The following SLC25A21 variants were observed in gnomAD, a reference collection of about 807,000 sequenced individuals.
SLC25A21 encodes mitochondrial 2-oxodicarboxylate carrier.
SLC25A21 carries 47 observed loss-of-function variants against 43.8 expected under a neutral mutation model. That is an observed-to-expected ratio of 1.07 (90% confidence interval 0.85 to 1.37). The LOEUF (loss-of-function observed/expected upper bound fraction) is 1.37, where lower values mean the gene tolerates loss of function less well. SLC25A21 is among the 40% of genes most tolerant of loss of function. The pLI is 0.00. For synonymous variants in SLC25A21, 131 were observed against 121.3 expected, an observed-to-expected ratio of 1.08 and a Z score of -0.52; for missense variants, 352 against 350.2, an observed-to-expected ratio of 1.00 and a Z score of -0.04.
intron 2 of SLC25A21, among the ~76,000 whole-genome samples, chr14:36,848,580 G>C (rs1889621882): frequency 6.6e-6 from 1 of 152,148 alleles, no homozygotes; most frequent in South Asian, 2.1e-4. Context: ...GCCCAGAGCA[G>C]GGTCTCATCT....
At chr14:37,038,340 T>C (rs990805139) in intron 1 of SLC25A21, among the ~76,000 whole-genome samples, 1 of 152,130 alleles carries the variant, frequency 6.6e-6, no homozygotes. Context: ...AATTATAACT[T>C]TTGAAAAATT....
chr14:36,816,672 A>T (rs550448972), intron 2 of SLC25A21, among the ~76,000 whole-genome samples: 1 of 151,876 alleles, frequency 6.6e-6, no homozygotes, highest in Non-Finnish European at 1.5e-5. Context: ...GCTAATTTTT[A>T]AAATTTTTTT....
intron 2 of SLC25A21, among the ~76,000 whole-genome samples, chr14:36,864,684 C>CA (rs1347288414): frequency 2.6e-5 from 4 of 152,172 alleles, no homozygotes; most frequent in African/African-American, 9.7e-5. Context: ...AGCTACATGA[C>CA]AAAATCCCAA....
At position 36,706,426 on chromosome 14, in the gene SLC25A21, A is replaced by C. The variant is rs546940550; in HGVS notation, c.603+4892T>G. ...TTCCACCAGTAAGGGACAAGACTTC[A>C]CTTCTCATTGAGGTAGACCGATGAC... On this transcript the variant is annotated intron_variant, in intron 7 of 9. Transcript: ENST00000331299. Among the ~76,000 whole-genome samples, 3 of 152,292 alleles carry C rather than the reference A, an allele frequency of 2.0e-5. No individual in the cohort carries two copies. In the East Asian group the frequency reaches 5.8e-4, roughly 29 times the overall value.
At chr14:37,015,568 G>C (rs1960835495) in intron 1 of SLC25A21, among the ~76,000 whole-genome samples, 1 of 151,608 alleles carries the variant, frequency 6.6e-6, no homozygotes, top group Non-Finnish European at 1.5e-5. Flanking sequence ...GTAATGGGAT[G>C]GCTGGGTCAA....
At chr14:37,063,086 G>T (rs927382043) in intron 1 of SLC25A21, among the ~76,000 whole-genome samples, 1 of 152,082 alleles carries the variant, frequency 6.6e-6, no homozygotes, top group African/African-American at 2.4e-5. Context: ...TAAAACCATC[G>T]TATCTCATGA....
chr14:36,974,034 A>G (rs1053197345), intron 1 of SLC25A21, among the ~76,000 whole-genome samples: 3 of 152,230 alleles, frequency 2.0e-5, no homozygotes, highest in African/African-American at 7.2e-5. Flanking sequence ...GGGAAAAAAA[A>G]GAGCAACATT....
chr14:36,848,966 C>T (rs190759816), intron 2 of SLC25A21, among the ~76,000 whole-genome samples: 77 of 152,200 alleles, frequency 5.1e-4, no homozygotes, highest in African/African-American at 1.6e-3. Flanking sequence ...TTAGTGCAGG[C>T]CCAGATGATT....
At chr14:37,060,083 T>C (rs911791553) in intron 1 of SLC25A21, among the ~76,000 whole-genome samples, 1 of 149,302 alleles carries the variant, frequency 6.7e-6, no homozygotes, top group Admixed American at 6.7e-5. Flanking sequence ...CTAGCCCCTT[T>C]AAAAAAAAAA....
intron 1 of SLC25A21, among the ~76,000 whole-genome samples, chr14:36,913,295 A>AT (rs1891740968): frequency 6.6e-6 from 1 of 152,082 alleles, no homozygotes; most frequent in Admixed American, 6.6e-5. Context: ...GTGAACTGAG[A>AT]TTTTTTGTTT....
chr14:36,800,310 G>T (rs774522931), intron 3 of SLC25A21, among the ~76,000 whole-genome samples: 2 of 152,116 alleles, frequency 1.3e-5, no homozygotes, highest in African/African-American at 2.4e-5. Context: ...CCAAAAGGTG[G>T]AGGCAGCCCA....
At chr14:37,006,555 C>T (rs1960608306) in intron 1 of SLC25A21, among the ~76,000 whole-genome samples, 1 of 151,968 alleles carries the variant, frequency 6.6e-6, no homozygotes. Flanking sequence ...CAATCCTTTG[C>T]TCTACTAGCT....
chr14:36,999,204 G>C (rs910363136), intron 1 of SLC25A21, among the ~76,000 whole-genome samples: 3 of 152,010 alleles, frequency 2.0e-5, no homozygotes, highest in African/African-American at 7.2e-5. Context: ...AGTGTAAAAA[G>C]AAATGAGCTA....
chr14:37,172,046 C>T (rs1024761870), intron 1 of SLC25A21: 6 of 548,242 alleles, frequency 1.1e-5, no homozygotes, highest in Non-Finnish European at 1.3e-5. Flanking sequence ...GCCGGGAACC[C>T]GAGAGCGGCC....
At chr14:36,767,399 G>A (rs959225665) in intron 3 of SLC25A21, among the ~76,000 whole-genome samples, 2 of 152,200 alleles carry the variant, frequency 1.3e-5, no homozygotes, top group African/African-American at 4.8e-5. Context: ...GGCTGCATGT[G>A]CACCATGTAA....
intron 1 of SLC25A21, among the ~76,000 whole-genome samples, chr14:36,919,270 T>C (rs1891912573): frequency 2.6e-5 from 4 of 152,088 alleles, no homozygotes; most frequent in Admixed American, 1.3e-4. Context: ...TATGAAATCG[T>C]ATATTAGGTT....
intron 1 of SLC25A21, among the ~76,000 whole-genome samples, chr14:36,969,856 G>A (rs1329318903): frequency 6.6e-6 from 1 of 151,946 alleles, no homozygotes; most frequent in African/African-American, 2.4e-5. Context: ...ATGCAAGCAG[G>A]AGGGTTCTGG....
At chr14:36,723,539 C>T (rs1279662293) in intron 6 of SLC25A21, among the ~76,000 whole-genome samples, 1 of 152,182 alleles carries the variant, frequency 6.6e-6, no homozygotes, top group Non-Finnish European at 1.5e-5. Context: ...CCCCTGGCCC[C>T]TGCTTTAAAA....
chr14:36,919,285 C>T (rs2138621890), intron 1 of SLC25A21, among the ~76,000 whole-genome samples: 1 of 152,024 alleles, frequency 6.6e-6, no homozygotes, highest in Admixed American at 6.6e-5. Context: ...TAGGTTATGT[C>T]TTTATTAGAT....
Sources: allele counts gnomAD v4.1 joint callset (sites outside exome capture counted in the v4.1 genomes callset), GRCh38; gene constraint gnomAD v4.1.1; transcripts MANE v1.5; gene names NCBI Gene and HGNC (gene_info 2026-07-23, HGNC 2026-07-21).